The following PLXDC2 variants were observed in gnomAD, a reference collection of about 807,000 sequenced individuals.
PLXDC2 encodes the protein plexin domain containing 2.
Under a neutral mutation model 68.9 loss-of-function variants are expected in PLXDC2, and 40 were observed. That is an observed-to-expected ratio of 0.58 (90% CI 0.45 to 0.76). The LOEUF (loss-of-function observed/expected upper bound fraction) is 0.76, where lower values mean the gene tolerates loss of function less well. PLXDC2 is among the 30% of genes least tolerant of loss of function. The probability of loss-of-function intolerance (pLI) is 0.00; values close to 1 mark genes in which losing one functional copy is unlikely to be tolerated. For synonymous variants in PLXDC2, 243 were observed against 234.2 expected (o/e 1.04, Z -0.34); for missense variants, 644 against 661.9 (o/e 0.97, Z 0.30).
chr10:20,234,663 C>CTTTTTTTTTTTTTTTTTTTCT (rs58791520), intron 12 of PLXDC2, among the ~76,000 whole-genome samples: 2 of 125,416 alleles, frequency 1.6e-5, no homozygotes, highest in Non-Finnish European at 1.7e-5. Context: ...GGGTTTCTTT[C>CTTTTTTTTTTTTTTTTTTTCT]TTTTTTTTTT....
intron 4 of PLXDC2, among the ~76,000 whole-genome samples, chr10:20,137,114 A>C (rs985606115): frequency 6.6e-6 from 1 of 152,250 alleles, no homozygotes; most frequent in Non-Finnish European, 1.5e-5. Context: ...CATGTCATAC[A>C]TTTAGGCCTG....
rs555277007 is a variant in PLXDC2 at position 19,863,569 on chromosome 10, T to C, written c.112+46378T>C. ...GCAGCACTTCCTCATGTGTAAGCTT[T>C]GTTGTACACATAACTCCAAGGATGG... On this transcript the variant is annotated intron_variant, in intron 1 of 13. Transcript: ENST00000377252. 1.1e-4 allele frequency among the ~76,000 whole-genome samples: 17 copies of C among 152,328 alleles called. No individual in the cohort carries two copies. In the South Asian group the frequency reaches 3.1e-3, roughly 28 times the overall value.
intron 2 of PLXDC2, among the ~76,000 whole-genome samples, chr10:20,016,890 C>A (rs1320086243): frequency 6.6e-6 from 1 of 152,222 alleles, no homozygotes; most frequent in Admixed American, 6.5e-5. Flanking sequence ...AAACCACCAG[C>A]AGTTTCCAAA....
intron 13 of PLXDC2, among the ~76,000 whole-genome samples, chr10:20,260,929 A>G (rs1429113984): frequency 6.6e-6 from 1 of 152,030 alleles, no homozygotes; most frequent in Non-Finnish European, 1.5e-5. Flanking sequence ...TTTGACTTCC[A>G]TTTCCTGAGA....
intron 13 of PLXDC2, among the ~76,000 whole-genome samples, chr10:20,269,686 C>T (rs956770929): frequency 5.3e-5 from 8 of 152,074 alleles, no homozygotes; most frequent in Non-Finnish European, 1.0e-4. Flanking sequence ...AGCTAACTAT[C>T]ATTCTACAAG....
intron 2 of PLXDC2, among the ~76,000 whole-genome samples, chr10:20,042,260 G>GT (rs1835696186): frequency 6.6e-6 from 1 of 151,948 alleles, no homozygotes; most frequent in East Asian, 1.9e-4. Context: ...ATACCAGCAT[G>GT]TTTTTTTCTT....
At chr10:20,030,517 A>G (rs534234242) in intron 2 of PLXDC2, among the ~76,000 whole-genome samples, 1 of 152,274 alleles carries the variant, frequency 6.6e-6, no homozygotes, top group Admixed American at 6.5e-5. Flanking sequence ...CAGTTTGCAT[A>G]CCAAGGAGAT....
intron 1 of PLXDC2, among the ~76,000 whole-genome samples, chr10:19,891,111 T>C (rs1837952396): frequency 6.6e-6 from 1 of 152,188 alleles, no homozygotes. Context: ...TGTCTTTCTC[T>C]GTCCAGCGCT....
chr10:19,880,607 A>G (rs1478213083), intron 1 of PLXDC2, among the ~76,000 whole-genome samples: 1 of 152,216 alleles, frequency 6.6e-6, no homozygotes, highest in South Asian at 2.1e-4. Flanking sequence ...GGATTACTGT[A>G]TTAAAGTTAG....
chr10:20,018,048 G>A (rs1835243112), intron 2 of PLXDC2, among the ~76,000 whole-genome samples: 1 of 152,214 alleles, frequency 6.6e-6, no homozygotes, highest in South Asian at 2.1e-4. Flanking sequence ...TTTCTCCAGA[G>A]ACATCCGAAC....
intron 1 of PLXDC2, among the ~76,000 whole-genome samples, chr10:19,963,758 G>A (rs957609665): frequency 1.3e-5 from 2 of 151,912 alleles, no homozygotes; most frequent in Admixed American, 1.3e-4. Flanking sequence ...AATGGGTGGA[G>A]CACACCAACA....
intron 1 of PLXDC2, among the ~76,000 whole-genome samples, chr10:19,914,628 A>C (rs1833334166): frequency 6.6e-6 from 1 of 152,224 alleles, no homozygotes; most frequent in African/African-American, 2.4e-5. Flanking sequence ...AGATCTTGGT[A>C]CTTTCATGTA....
intron 1 of PLXDC2, among the ~76,000 whole-genome samples, chr10:19,873,406 C>CTTTTTTTTT (rs1049862345): frequency 6.1e-5 from 7 of 115,658 alleles, no homozygotes; most frequent in Non-Finnish European, 9.0e-5. Flanking sequence ...TCTTCTTCGT[C>CTTTTTTTTT]TTTTTTTTTT....
chr10:19,909,084 C>G (rs886765124), intron 1 of PLXDC2, among the ~76,000 whole-genome samples: 2 of 152,236 alleles, frequency 1.3e-5, no homozygotes, highest in Admixed American at 6.5e-5. Flanking sequence ...GTATATCAAC[C>G]TCTCATGAAT....
intron 12 of PLXDC2, among the ~76,000 whole-genome samples, chr10:20,242,657 A>G (rs1835532201): frequency 6.6e-6 from 1 of 152,146 alleles, no homozygotes; most frequent in African/African-American, 2.4e-5. Flanking sequence ...ATGATGGCAG[A>G]TACTGACCTA....
chr10:20,027,615 C>T (rs1835425669), intron 2 of PLXDC2, among the ~76,000 whole-genome samples: 2 of 151,314 alleles, frequency 1.3e-5, no homozygotes, highest in South Asian at 4.2e-4. Context: ...GTGTAGATAT[C>T]TCAACATGAT....
intron 1 of PLXDC2, among the ~76,000 whole-genome samples, chr10:19,987,116 C>T (rs1482416597): frequency 6.6e-6 from 1 of 152,142 alleles, no homozygotes; most frequent in African/African-American, 2.4e-5. Context: ...CACGTTTCAG[C>T]GTTTAGTGAA....
At chr10:19,843,959 C>T (rs79652140) in intron 1 of PLXDC2, among the ~76,000 whole-genome samples, 2,738 of 152,238 alleles carry the variant, frequency 0.018, 31 homozygotes, top group East Asian at 0.037. Flanking sequence ...AAATGATAAA[C>T]AGTGAAGGTG....
At position 20,106,909 on chromosome 10, in the gene PLXDC2, A is replaced by T. The variant is rs750597669; in HGVS notation, c.542-36386A>T. ...ATCGTGGATGCATATTACATGTAGTATAAAGGATAAAGTAACAGTAAAAGC... is the reference window on the plus strand; with the variant it reads ...ATCGTGGATGCATATTACATGTAGTTTAAAGGATAAAGTAACAGTAAAAGC... On this transcript the variant is annotated intron_variant, in intron 4 of 13. Transcript: ENST00000377252. 5.1e-4 allele frequency among the ~76,000 whole-genome samples: 77 copies of T among 151,662 alleles called. 1 individual carries two copies. Among genetic ancestry groups the T allele is most frequent in the South Asian group, 6.2e-4 (3 of 4,816 alleles).
Sources: gnomAD v4.1 joint callset for allele counts (sites outside exome capture counted in the v4.1 genomes callset) on GRCh38, gnomAD v4.1.1 for gene constraint, MANE v1.5 for transcripts, NCBI Gene and HGNC (gene_info 2026-07-23, HGNC 2026-07-21) for gene names.